The following TPD52L1 variants were observed in gnomAD, a reference collection of about 807,000 sequenced individuals.
TPD52L1 encodes tumor protein D53.
In TPD52L1, 18 loss-of-function variants were observed where a neutral mutation model predicts 28.7. That is an observed-to-expected ratio of 0.63 (90% confidence interval 0.43 to 0.93). The LOEUF (loss-of-function observed/expected upper bound fraction) is 0.93. TPD52L1 is among the 40% of genes least tolerant of loss of function. The pLI is 0.00. For synonymous variants in TPD52L1, 75 were observed against 88.8 expected, an observed-to-expected ratio of 0.84 and a Z score of 0.88; for missense variants, 203 against 254.8, an observed-to-expected ratio of 0.80 and a Z score of 1.39.
At chr6:125,235,314 C>A (rs1463840434) in intron 3 of TPD52L1, among the ~76,000 whole-genome samples, 1 of 151,950 alleles carries the variant, frequency 6.6e-6, no homozygotes, top group East Asian at 1.9e-4. Context: ...TTAGACCAGG[C>A]ATGTCCAATA....
chr6:125,184,960 G>A (rs1296123629), intron 1 of TPD52L1, among the ~76,000 whole-genome samples: 1 of 56,352 alleles, frequency 1.8e-5, no homozygotes, highest in Non-Finnish European at 3.4e-5. Flanking sequence ...GCACACATGA[G>A]TTGCTTACAA....
chr6:125,214,488 A>T (rs1193620086), intron 1 of TPD52L1: 1 of 979,524 alleles, frequency 1.0e-6, no homozygotes, highest in Non-Finnish European at 1.2e-6. Flanking sequence ...TCTAAGGGGT[A>T]TCTAAGGGGA....
chr6:125,258,654 T>C (rs1797744190), intron 6 of TPD52L1, among the ~76,000 whole-genome samples: 1 of 152,196 alleles, frequency 6.6e-6, no homozygotes, highest in Non-Finnish European at 1.5e-5. Context: ...TAGGAAACTC[T>C]GGTAAGCTCA....
chr6:125,213,860 T>C (rs1794679107), intron 1 of TPD52L1, among the ~76,000 whole-genome samples: 1 of 152,134 alleles, frequency 6.6e-6, no homozygotes, highest in Non-Finnish European at 1.5e-5. Flanking sequence ...AGGAAAGATG[T>C]AAATGGGTGG....
chr6:125,247,674 T>C (rs137914907), intron 3 of TPD52L1, among the ~76,000 whole-genome samples: 1 of 152,290 alleles, frequency 6.6e-6, no homozygotes, highest in East Asian at 1.9e-4. Context: ...CCTCAAGTAG[T>C]CAAGTCTAGT....
intron 1 of TPD52L1, among the ~76,000 whole-genome samples, chr6:125,176,790 A>G (rs1235767469): frequency 6.6e-6 from 1 of 152,158 alleles, no homozygotes; most frequent in Non-Finnish European, 1.5e-5. Flanking sequence ...AATCCCAGCA[A>G]CTATGGGAAG....
At chr6:125,172,030 T>G (rs1320741793) in intron 1 of TPD52L1, among the ~76,000 whole-genome samples, 1 of 151,530 alleles carries the variant, frequency 6.6e-6, no homozygotes, top group Non-Finnish European at 1.5e-5. Context: ...CCCTACTGCC[T>G]CCTTCCCTCC....
chr6:125,163,054 G>A lies in TPD52L1; in HGVS notation c.19+9084G>A, dbSNP rs140975582. Reference sequence around the variant, plus strand: ...TGCCTTAATGTGTGCTGTGCCACACGTGCAAAGGGGAAGCTAAGATGAACT... The same window carrying A: ...TGCCTTAATGTGTGCTGTGCCACACATGCAAAGGGGAAGCTAAGATGAACT... On this transcript the variant is annotated intron_variant, in intron 1 of 6. Transcript: ENST00000534000. Among the ~76,000 whole-genome samples, 750 of 152,312 alleles carry A rather than the reference G, an allele frequency of 4.9e-3. 8 individuals carry two copies. Among genetic ancestry groups the A allele is most frequent in the African/African-American group, 0.017 (707 of 41,568 alleles).
intron 1 of TPD52L1, among the ~76,000 whole-genome samples, chr6:125,184,049 A>G (rs62432189): frequency 6.6e-6 from 1 of 152,148 alleles, no homozygotes; most frequent in South Asian, 2.1e-4. Flanking sequence ...ATTTTAAACA[A>G]GAAGGAATTT....
intron 4 of TPD52L1, among the ~76,000 whole-genome samples, chr6:125,251,832 A>C (rs1317757135): frequency 6.6e-6 from 1 of 152,248 alleles, no homozygotes; most frequent in African/African-American, 2.4e-5. Flanking sequence ...TAACAGAAGC[A>C]AAACTTGAGT....
At chr6:125,202,087 C>A (rs563942398) in intron 1 of TPD52L1, among the ~76,000 whole-genome samples, 1 of 152,088 alleles carries the variant, frequency 6.6e-6, no homozygotes, top group Non-Finnish European at 1.5e-5. Flanking sequence ...TGGGTCCAGG[C>A]GTGATGTGTT....
At chr6:125,199,795 A>C (rs1258335086) in intron 1 of TPD52L1, among the ~76,000 whole-genome samples, 1 of 152,242 alleles carries the variant, frequency 6.6e-6, no homozygotes, top group Non-Finnish European at 1.5e-5. Context: ...AGGAAATAAG[A>C]TAGTGAAAAA....
chr6:125,186,850 A>G (rs1012724964), intron 1 of TPD52L1, among the ~76,000 whole-genome samples: 1 of 152,188 alleles, frequency 6.6e-6, no homozygotes, highest in African/African-American at 2.4e-5. Flanking sequence ...AAAAACTATA[A>G]CACAATGTAA....
At chr6:125,195,381 C>T (rs1370779147) in intron 1 of TPD52L1, among the ~76,000 whole-genome samples, 1 of 152,192 alleles carries the variant, frequency 6.6e-6, no homozygotes, top group African/African-American at 2.4e-5. Context: ...AAAGTGTCTT[C>T]AGGGTTCCAA....
chr6:125,224,613 T>G (rs1795478881), intron 2 of TPD52L1, among the ~76,000 whole-genome samples: 1 of 152,192 alleles, frequency 6.6e-6, no homozygotes, highest in Non-Finnish European at 1.5e-5. Flanking sequence ...CATTTTAATC[T>G]TGGGTCTCTT....
intron 2 of TPD52L1, 76 bp downstream of exon 2, chr6:125,220,269 G>A (rs1289826199): frequency 1.1e-6 from 1 of 914,072 alleles, no homozygotes; most frequent in African/African-American, 1.7e-5. Context: ...TATAATAATT[G>A]TAATGATGTT....
intron 1 of TPD52L1, among the ~76,000 whole-genome samples, chr6:125,184,938 A>T (rs1582881339): frequency 6.7e-6 from 1 of 149,672 alleles, no homozygotes; most frequent in Middle Eastern, 3.4e-3. Context: ...AATGTGTTGG[A>T]TCAAAATAAA....
intron 4 of TPD52L1, among the ~76,000 whole-genome samples, chr6:125,251,231 A>G (rs1391932869): frequency 6.6e-6 from 1 of 152,186 alleles, no homozygotes; most frequent in African/African-American, 2.4e-5. Flanking sequence ...CTTTTATTTT[A>G]AACTTCTTTT....
At chr6:125,245,375 C>A (rs1796865322) in intron 3 of TPD52L1, among the ~76,000 whole-genome samples, 1 of 152,090 alleles carries the variant, frequency 6.6e-6, no homozygotes, top group African/African-American at 2.4e-5. Context: ...AAGAAGGCAC[C>A]AGCTGCAGTA....
Sources: allele counts gnomAD v4.1 joint callset (sites outside exome capture counted in the v4.1 genomes callset), GRCh38; gene constraint gnomAD v4.1.1; transcripts MANE v1.5; gene names NCBI Gene and HGNC (gene_info 2026-07-23, HGNC 2026-07-21).